GPR149: variants seen among roughly 807,000 people sequenced by gnomAD.
GPR149 encodes the protein G protein-coupled receptor 149.
GPR149 carries 50 observed loss-of-function variants against 50.2 expected under a neutral mutation model. The observed-to-expected ratio is 1.00, with a 90% CI of 0.79 to 1.26. GPR149 has a LOEUF of 1.26. Among genes scored for constraint, GPR149 ranks in the 50% most tolerant of loss-of-function variants. The probability of loss-of-function intolerance (pLI) is 0.00; values close to 1 mark genes in which losing one functional copy is unlikely to be tolerated. For missense variants in GPR149, 983 were observed against 895.4 expected (o/e 1.10, Z -1.25); for synonymous variants, 405 against 358.2 (o/e 1.13, Z -1.48).
Position 154,408,829 on chromosome 3 carries a change from A to C in GPR149, c.1623+12210T>G, listed in dbSNP as rs559552004. Among the ~76,000 whole-genome samples, 4 of 152,264 alleles carry C rather than the reference A, an allele frequency of 2.6e-5. No individual in the cohort carries two copies. In the South Asian group the frequency reaches 8.3e-4, roughly 32 times the overall value. ...ACCACCTGAGAAACCTGAATACTTA[A>C]CCAGGTGTCCCTAGGGCAAGTTTAC... On this transcript the variant is annotated intron_variant, in intron 3 of 3. Coordinates refer to ENST00000389740, the MANE Select transcript of GPR149 (RefSeq NM_001038705.3).
chr3:154,365,037 G>A (rs1196021600), intron 3 of GPR149, among the ~76,000 whole-genome samples: 1 of 152,196 alleles, frequency 6.6e-6, no homozygotes, highest in African/African-American at 2.4e-5. Flanking sequence ...ACTCTCTGCA[G>A]CCACCCTGCT....
intron 3 of GPR149, among the ~76,000 whole-genome samples, chr3:154,400,353 G>A (rs905802545): frequency 1.3e-5 from 2 of 152,054 alleles, no homozygotes; most frequent in Non-Finnish European, 2.9e-5. Flanking sequence ...AGCTTACTAA[G>A]GATCAGAAAT....
intron 3 of GPR149, among the ~76,000 whole-genome samples, chr3:154,414,829 G>A (rs760623023): frequency 5.3e-5 from 8 of 151,814 alleles, no homozygotes; most frequent in Admixed American, 1.3e-4. Flanking sequence ...AACGTCCTGC[G>A]AAACAAAGAA....
intron 3 of GPR149, among the ~76,000 whole-genome samples, chr3:154,368,807 G>A (rs2108399554): frequency 6.6e-6 from 1 of 152,284 alleles, no homozygotes; most frequent in East Asian, 1.9e-4. Context: ...CTAATTCAGA[G>A]ATTCCTCCTT....
intron 3 of GPR149, among the ~76,000 whole-genome samples, chr3:154,414,468 A>T (rs1711931404): frequency 6.6e-6 from 1 of 152,054 alleles, no homozygotes; most frequent in South Asian, 2.1e-4. Flanking sequence ...TGCAGGTAAG[A>T]TTCATCAGTG....
chr3:154,372,243 A>T (rs1386946279), intron 3 of GPR149, among the ~76,000 whole-genome samples: 1 of 152,214 alleles, frequency 6.6e-6, no homozygotes, highest in African/African-American at 2.4e-5. Context: ...GTCCTGGATG[A>T]ATAATATTGA....
intron 3 of GPR149, among the ~76,000 whole-genome samples, chr3:154,388,212 T>C (rs1715089330): frequency 6.6e-6 from 1 of 152,160 alleles, no homozygotes; most frequent in Non-Finnish European, 1.5e-5. Context: ...TTTATAGTGC[T>C]TTTACATTTA....
chr3:154,378,085 C>G (rs866766640), intron 3 of GPR149, among the ~76,000 whole-genome samples: 5 of 71,776 alleles, frequency 7.0e-5, no homozygotes, highest in Non-Finnish European at 1.0e-4. Context: ...ATATCCCCCC[C>G]CCCTTTTTTT....
intron 3 of GPR149, among the ~76,000 whole-genome samples, chr3:154,417,344 T>G (rs1206921147): frequency 6.6e-6 from 1 of 152,060 alleles, no homozygotes; most frequent in Non-Finnish European, 1.5e-5. Flanking sequence ...GGATCACATT[T>G]AAATCTACTG....
intron 3 of GPR149, among the ~76,000 whole-genome samples, chr3:154,398,293 T>G (rs1486575767): frequency 6.6e-6 from 1 of 152,174 alleles, no homozygotes; most frequent in East Asian, 1.9e-4. Context: ...ATTAAGGTAA[T>G]GATTAGGGAA....
At chr3:154,383,816 T>A (rs945756701) in intron 3 of GPR149, among the ~76,000 whole-genome samples, 1 of 151,992 alleles carries the variant, frequency 6.6e-6, no homozygotes, top group African/African-American at 2.4e-5. Context: ...AGAGCCCTCA[T>A]GAGTAGGATT....
chr3:154,418,042 C>T (rs1211089686), intron 3 of GPR149, among the ~76,000 whole-genome samples: 2 of 150,734 alleles, frequency 1.3e-5, no homozygotes, highest in African/African-American at 2.4e-5. Flanking sequence ...GACATTTATG[C>T]AGCCAAAAGA....
At chr3:154,350,875 C>T (rs1714061459) in intron 3 of GPR149, among the ~76,000 whole-genome samples, 2 of 152,084 alleles carry the variant, frequency 1.3e-5, no homozygotes, top group Admixed American at 6.6e-5. Flanking sequence ...TGCACCTCCT[C>T]GCATATACTT....
rs868798885 is a variant in GPR149 at position 154,335,527 on chromosome 3, T to C, written c.*2172A>G. On this transcript the variant is annotated 3_prime_UTR_variant, in exon 4 of 4. Coordinates refer to ENST00000389740, the MANE Select transcript of GPR149 (RefSeq NM_001038705.3). ...ACTAAGACTTTGGGCTAAATAATAC[T>C]GGTGTTGTTTCAATGCAGCAGAATT... is the stretch of plus-strand genomic sequence containing the variant. 6 of 152,136 alleles carry C rather than the reference T, an allele frequency of 3.9e-5. No homozygotes were observed. Among genetic ancestry groups the C allele is most frequent in the African/African-American group, 1.4e-4 (6 of 41,442 alleles). 9.4% of individuals were successfully genotyped at this position (152,136 alleles called of 1,614,324 possible).
At chr3:154,406,128 T>C (rs1315074306) in intron 3 of GPR149, among the ~76,000 whole-genome samples, 1 of 151,898 alleles carries the variant, frequency 6.6e-6, no homozygotes, top group South Asian at 2.1e-4. Context: ...CAATTTATAA[T>C]AGAGAAAAAG....
chr3:154,364,328 G>A (rs1483595598), intron 3 of GPR149, among the ~76,000 whole-genome samples: 1 of 152,076 alleles, frequency 6.6e-6, no homozygotes, highest in Non-Finnish European at 1.5e-5. Flanking sequence ...TCCACTCTTG[G>A]ATCCTCAAAA....
Position 154,359,756 on chromosome 3 carries a change from A to G in GPR149, c.1624-21485T>C, listed in dbSNP as rs72998657. Reference sequence around the variant, plus strand: ...AATTCTAAACGAAGTATCTTATCCCATAACACCCATAGTGTTTTTGCTCCT... The same window carrying G: ...AATTCTAAACGAAGTATCTTATCCCGTAACACCCATAGTGTTTTTGCTCCT... On this transcript the variant is annotated intron_variant, in intron 3 of 3. Coordinates refer to ENST00000389740, the MANE Select transcript of GPR149 (RefSeq NM_001038705.3). 5.7e-3 allele frequency among the ~76,000 whole-genome samples: 866 copies of G among 152,324 alleles called. 12 individuals carry two copies. Among genetic ancestry groups the G allele is most frequent in the African/African-American group, 0.019 (807 of 41,562 alleles).
chr3:154,392,131 C>A (rs1715186038), intron 3 of GPR149, among the ~76,000 whole-genome samples: 1 of 151,720 alleles, frequency 6.6e-6, no homozygotes, highest in Non-Finnish European at 1.5e-5. Context: ...GAAACAGGAT[C>A]TGAACAACAG....
intron 3 of GPR149, among the ~76,000 whole-genome samples, chr3:154,402,098 A>G (rs1711563343): frequency 2.6e-5 from 4 of 152,196 alleles, no homozygotes; most frequent in Admixed American, 1.3e-4. Flanking sequence ...AATTTAAAAT[A>G]AAAATAATGA....
Sources: gnomAD v4.1 joint callset for allele counts (sites outside exome capture counted in the v4.1 genomes callset) on GRCh38, gnomAD v4.1.1 for gene constraint, MANE v1.5 for transcripts, NCBI Gene and HGNC (gene_info 2026-07-23, HGNC 2026-07-21) for gene names.